The following OAF variants were observed in gnomAD, a reference collection of about 807,000 sequenced individuals.
OAF encodes the protein out at first homolog, also known as out at first protein homolog.
A neutral mutation model predicts 22.5 loss-of-function variants in OAF; 13 were observed. The ratio of observed to expected loss-of-function variants is 0.58; its 90% CI spans 0.38 to 0.92. The LOEUF (loss-of-function observed/expected upper bound fraction) is 0.92, where lower values mean the gene tolerates loss of function less well. OAF is among the 40% of genes least tolerant of loss of function. OAF has a pLI of 0.00. For synonymous variants in OAF, 175 were observed against 170.5 expected, an observed-to-expected ratio of 1.03 and a Z score of -0.21; for missense variants, 347 against 381.8, an observed-to-expected ratio of 0.91 and a Z score of 0.76.
At chr11:120,223,825 G>C in intron 1 of OAF, among the ~76,000 whole-genome samples, 1 of 152,202 alleles carries the variant, frequency 6.6e-6, no homozygotes, top group East Asian at 1.9e-4. Context: ...CCAGGGAAGT[G>C]GTTTTTGGAT....
Position 120,225,759 on chromosome 11 carries a change from GATC to G in OAF, c.334_336del (p.Ile112del), listed in dbSNP as rs1938349038. ...TTGTCACCCAGCTGCAGCACAATGA[GATC>G]ATCCCCAGTGAGGCCATGGCCAAGC... On this transcript the variant is annotated inframe_deletion, in exon 2 of 4. Transcript: ENST00000328965. 1 of 1,606,236 alleles carries G rather than the reference GATC, an allele frequency of 6.2e-7. No homozygotes were observed. The highest frequency in any genetic ancestry group is 2.3e-5 in the East Asian group (1 of 43,690).
At chr11:120,227,259 G>A (rs1363993333) in intron 3 of OAF, among the ~76,000 whole-genome samples, 1 of 152,196 alleles carries the variant, frequency 6.6e-6, no homozygotes, top group Non-Finnish European at 1.5e-5. Context: ...AGAATACCAT[G>A]ATAGCTACAG....
Position 120,229,375 on chromosome 11 carries a change from G to GTC in OAF, c.*233_*234insTC. 2.4e-6 allele frequency: 1 copy of GTC among 410,026 alleles called. No individual in the cohort carries two copies. The highest frequency in any genetic ancestry group is 4.3e-6 in the Non-Finnish European group (1 of 232,670). 25.4% of individuals were successfully genotyped at this position (410,026 alleles called of 1,614,324 possible). On this transcript the variant is annotated 3_prime_UTR_variant, in exon 4 of 4. Coordinates refer to ENST00000328965, the MANE Select transcript of OAF (RefSeq NM_178507.4). Reference sequence around the variant, plus strand: ...CTGTGCCTTCCTTGCGGGCAGAGAGGGAGAGAAGGGCTCCCCAGATCTACA... The same window carrying GTC: ...CTGTGCCTTCCTTGCGGGCAGAGAGGTCGAGAGAAGGGCTCCCCAGATCTACA...
chr11:120,220,614 G>C (rs1259463182), intron 1 of OAF, among the ~76,000 whole-genome samples: 3 of 152,196 alleles, frequency 2.0e-5, no homozygotes, highest in Non-Finnish European at 4.4e-5. Context: ...CTCTGCAGAA[G>C]GGCTGGTGAG....
chr11:120,220,989 G>A (rs1938274192), intron 1 of OAF, among the ~76,000 whole-genome samples: 1 of 152,142 alleles, frequency 6.6e-6, no homozygotes, highest in African/African-American at 2.4e-5. Flanking sequence ...CCTCATTGCT[G>A]GAAAGCCCTC....
chr11:120,218,408 T>G (rs1340334622), intron 1 of OAF, among the ~76,000 whole-genome samples: 1 of 152,116 alleles, frequency 6.6e-6, no homozygotes, highest in African/African-American at 2.4e-5. Flanking sequence ...AGCTTTGCCG[T>G]GGGGCTAGGA....
At chr11:120,228,847 A>G (rs1398003553) in intron 3 of OAF, 21 bp from the exon 4 acceptor site, 17 of 527,280 alleles carry the variant, frequency 3.2e-5, no homozygotes, top group Non-Finnish European at 4.3e-5. Flanking sequence ...TCCCTCCCTG[A>G]TCCTTGCCTC....
chr11:120,226,489 G>A (rs190575248), intron 2 of OAF, among the ~76,000 whole-genome samples: 1 of 152,320 alleles, frequency 6.6e-6, no homozygotes, highest in East Asian at 1.9e-4. Flanking sequence ...TGATTCCAGA[G>A]GTCATATGCC....
chr11:120,228,821 T>TGCCAACC, intron 3 of OAF, 47 bp from the exon 4 acceptor site: 7 of 520,280 alleles, frequency 1.3e-5, no homozygotes, highest in East Asian at 3.4e-5. Flanking sequence ...GGGAGCTCCT[T>TGCCAACC]CCCTCCCTCC....
intron 1 of OAF, among the ~76,000 whole-genome samples, chr11:120,211,850 C>T (rs954682311): frequency 6.6e-5 from 10 of 152,212 alleles, no homozygotes; most frequent in Non-Finnish European, 1.3e-4. Context: ...GAAGTGTTCT[C>T]GCTGTGGGCT....
rs1226591355 is a variant in OAF at position 120,226,856 on chromosome 11, G to A, written c.407G>A (p.Gly136Asp). ...RAVRQAEEVRGLEHLHMDVAV... is the reference protein window; with the variant it reads ...RAVRQAEEVRDLEHLHMDVAV... ...GTGCGGCAGGCGGAGGAGGTTCGGG[G>A]TCTGGAGCATCTGCACATGGATGTC... Residue 136 changes from glycine (G) to aspartate (D), a missense_variant, in exon 3 of 4, where the codon GGT (glycine) becomes GAT (aspartate). By Grantham distance (94) the Gly-to-Asp change is moderately conservative (BLOSUM62 -1). Transcript: ENST00000328965. 6.2e-7 allele frequency: 1 copy of A among 1,609,824 alleles called. No individual in the cohort carries two copies. The highest frequency in any genetic ancestry group is 1.1e-5 in the South Asian group (1 of 90,618).
intron 1 of OAF, among the ~76,000 whole-genome samples, chr11:120,213,503 T>G (rs1429909056): frequency 1.3e-5 from 2 of 151,994 alleles, no homozygotes; most frequent in Non-Finnish European, 2.9e-5. Context: ...GAATTGGGAG[T>G]GGAAGACACC....
In OAF at chr11:120,220,906, G is replaced by A. The variant is rs913401645; in HGVS notation, c.232-4755G>A. Reference sequence around the variant, plus strand: ...GCCCTTGAAGGGCATTCGGCCACTCGGGTGATAGTAGCATGGAGGGATGAT... The same window carrying A: ...GCCCTTGAAGGGCATTCGGCCACTCAGGTGATAGTAGCATGGAGGGATGAT... On this transcript the variant is annotated intron_variant, in intron 1 of 3. Transcript: ENST00000328965. 5.9e-5 allele frequency among the ~76,000 whole-genome samples: 9 copies of A among 152,208 alleles called. No homozygotes were observed. The East Asian group carries it at 1.5e-3, about 26-fold the overall frequency.
chr11:120,228,751 G>A, intron 3 of OAF, 117 bp from the exon 4 acceptor site: 1 of 773,692 alleles, frequency 1.3e-6, no homozygotes, highest in Non-Finnish European at 2.0e-6. Context: ...GGAGGTGTCT[G>A]TAAATGCCTG....
rs527811087 is a variant in OAF at position 120,211,165 on chromosome 11, G to A, written c.-115G>A. The A allele has an allele frequency of 2.4e-4, 112 of 467,950 alleles. No homozygotes were observed. Among genetic ancestry groups the A allele is most frequent in the African/African-American group, 2.1e-3 (99 of 48,146 alleles). The allele number at this position is 467,950 out of a possible 1,614,324, so 29.0% of individuals were successfully genotyped here. On this transcript the variant is annotated 5_prime_UTR_variant, in exon 1 of 4. Coordinates refer to ENST00000328965, the MANE Select transcript of OAF (RefSeq NM_178507.4). ...GGCGACCCCGCGGCCAAGGCCCCCG[G>A]CGGAGCGGCTCCCGGGCGCCCCGAA...
At chr11:120,227,168 T>C (rs1314578224) in intron 3 of OAF, among the ~76,000 whole-genome samples, 172 bp downstream of exon 3, 1 of 152,184 alleles carries the variant, frequency 6.6e-6, no homozygotes, top group Non-Finnish European at 1.5e-5. Context: ...CCTACAGAGA[T>C]GTACTGGCGC....
chr11:120,227,340 G>T (rs549511180), intron 3 of OAF, among the ~76,000 whole-genome samples: 1 of 152,026 alleles, frequency 6.6e-6, no homozygotes, highest in Admixed American at 6.5e-5. Context: ...AATGGAGCCT[G>T]TGTGATTATT....
intron 1 of OAF, among the ~76,000 whole-genome samples, chr11:120,221,679 A>G (rs1938281104): frequency 6.6e-6 from 1 of 152,174 alleles, no homozygotes. Context: ...TTGTTCTTAA[A>G]TTCTGTGCTA....
chr11:120,220,940 G>A (rs1159293660), intron 1 of OAF, among the ~76,000 whole-genome samples: 1 of 152,064 alleles, frequency 6.6e-6, no homozygotes, highest in African/African-American at 2.4e-5. Flanking sequence ...ATTGGGTGGG[G>A]GCACTGGGAG....
Sources: gnomAD v4.1 joint callset for allele counts (sites outside exome capture counted in the v4.1 genomes callset) on GRCh38, gnomAD v4.1.1 for gene constraint, MANE v1.5 for transcripts, NCBI Gene and HGNC (gene_info 2026-07-23, HGNC 2026-07-21) for gene names.